The following ANO9 variants were observed in gnomAD, a reference collection of about 807,000 sequenced individuals.
The protein encoded by ANO9 is anoctamin-9.
Under a neutral mutation model 100.5 loss-of-function variants are expected in ANO9, and 80 were observed. The ratio of observed to expected loss-of-function variants is 0.80; its 90% CI spans 0.66 to 0.96. ANO9 has a LOEUF of 0.96. ANO9 is among the 40% of genes least tolerant of loss of function. ANO9 has a pLI of 0.00. For missense variants in ANO9, 1,064 were observed against 1,072.7 expected, an observed-to-expected ratio of 0.99 and a Z score of 0.11; for synonymous variants, 473 against 435.6, an observed-to-expected ratio of 1.09 and a Z score of -1.07.
At chr11:419,857 C>T in intron 19 of ANO9, 128 bp from the exon 20 acceptor site, 1 of 1,477,408 alleles carries the variant, frequency 6.8e-7, no homozygotes, top group Non-Finnish European at 8.9e-7. Flanking sequence ...AGCCCTAGGG[C>T]TGCAGTATTC....
At chr11:440,568 C>T (rs1166389961) in intron 1 of ANO9, 3 of 152,544 alleles carry the variant, frequency 2.0e-5, no homozygotes, top group African/African-American at 7.2e-5. Flanking sequence ...TGGGAGGTCA[C>T]CATACTGATG....
At position 430,175 on chromosome 11, in the gene ANO9, C is replaced by A. The variant is rs1049023069; in HGVS notation, c.679G>T (p.Glu227Ter). 1.3e-6 allele frequency: 2 copies of A among 1,551,684 alleles called. No individual in the cohort carries two copies. The highest frequency in any genetic ancestry group is 1.7e-6 in the Non-Finnish European group (2 of 1,147,944). The change falls in exon 9 of 23, where the codon GAG (glutamate) becomes TAG (stop). Residue 227 changes from glutamate to a stop codon, truncating the protein, a stop_gained. Transcript: ENST00000332826. LOFTEE classifies it high-confidence loss of function. Reference sequence around the variant, plus strand: ...AGGATGTCGTGGGCCTCACAGATCTCCTTGCTGAAGGGGCAGGGATGAGGC... The same window carrying A: ...AGGATGTCGTGGGCCTCACAGATCTACTTGCTGAAGGGGCAGGGATGAGGC... ...SLFEASQISK[E>*]ICEAHDILMC... is the part of the protein sequence containing the mutation.
At chr11:427,329 G>A (rs982880250) in intron 15 of ANO9, among the ~76,000 whole-genome samples, 3 of 151,974 alleles carry the variant, frequency 2.0e-5, no homozygotes, top group Non-Finnish European at 2.9e-5. Flanking sequence ...CAGCCTGGGC[G>A]ACAGAGCGAG....
At chr11:428,424 T>C (rs1848657041) in intron 13 of ANO9, 30 bp from the exon 14 acceptor site, 3 of 1,612,614 alleles carry the variant, frequency 1.9e-6, no homozygotes, top group Non-Finnish European at 2.5e-6. Flanking sequence ...ATGGGCTCAC[T>C]GGGGCTCCGG....
intron 1 of ANO9, among the ~76,000 whole-genome samples, chr11:439,956 G>T (rs888859121): frequency 3.9e-5 from 6 of 152,372 alleles, no homozygotes; most frequent in Non-Finnish European, 4.4e-5. Context: ...GTTCGTGGAC[G>T]CAGGGGCGGG....
In ANO9 at chr11:427,032, C is replaced by T. The variant is rs1408181744; in HGVS notation, c.1334+1056G>A. 3.9e-5 allele frequency among the ~76,000 whole-genome samples: 6 copies of T among 152,176 alleles called. No homozygotes were observed. The East Asian group carries it at 1.2e-3, about 29-fold the overall frequency. On this transcript the variant is annotated intron_variant, in intron 15 of 22. Coordinates refer to ENST00000332826, the MANE Select transcript of ANO9 (RefSeq NM_001012302.3). ...GGAGCTTCCAGAGTGAGAGGTCCCA[C>T]CAGGAGAGACGTGGCCCACAGCAAG...
rs1196031751 is a variant in ANO9, at chr11:422,440, G to A, written c.1335-1242C>T. Among the ~76,000 whole-genome samples, 12 of 152,320 alleles carry A rather than the reference G, an allele frequency of 7.9e-5. No individual in the cohort carries two copies. The highest frequency in any genetic ancestry group is 4.1e-4 in the South Asian group (2 of 4,826). ...GACTTTAAGACGGGGAGATTATCTTGGGTTATCTGGGTTTTTCTGGTGTAA... is the reference window on the plus strand; with the variant it reads ...GACTTTAAGACGGGGAGATTATCTTAGGTTATCTGGGTTTTTCTGGTGTAA... On this transcript the variant is annotated intron_variant, in intron 15 of 22. Coordinates refer to ENST00000332826, the MANE Select transcript of ANO9 (RefSeq NM_001012302.3). The surrounding 1 kb of genome is among the most constrained non-coding windows in gnomAD (Gnocchi z 4.3).
chr11:426,069 GAA>G (rs1848504892), intron 15 of ANO9, among the ~76,000 whole-genome samples: 1 of 152,128 alleles, frequency 6.6e-6, no homozygotes, highest in Non-Finnish European at 1.5e-5. Flanking sequence ...TTTAAAAAAT[GAA>G]AAGACTTTGC....
Position 418,957 on chromosome 11 carries a change from G to T in ANO9, c.1967C>A (p.Ser656Tyr), listed in dbSNP as rs1375455585. The change falls in exon 21 of 23, where the codon TCC becomes TAC. Residue 656 changes from serine to tyrosine, a missense_variant. Coordinates refer to ENST00000332826, the MANE Select transcript of ANO9 (RefSeq NM_001012302.3). ...CTGGAAGTCCTTGGTGTGGAAGACG[G>T]ACAGGCTGTGGTTGACGTAGCCCTT... The part of the protein sequence containing the change: ...CLKGYVNHSL[S>Y]VFHTKDFQDP... The T allele has an allele frequency of 1.2e-6, 2 of 1,612,794 alleles. No individual in the cohort carries two copies. Among genetic ancestry groups the T allele is most frequent in the Non-Finnish European group, 1.7e-6 (2 of 1,179,722 alleles).
intron 3 of ANO9, 107 bp downstream of exon 3, chr11:433,708 C>T (rs1849222055): frequency 6.8e-7 from 1 of 1,464,704 alleles, no homozygotes; most frequent in African/African-American, 1.4e-5. Flanking sequence ...TGACCGGCCC[C>T]ACAGCCCTGC....
At position 438,055 on chromosome 11, in the gene ANO9, C is replaced by T. The variant is rs898683746; in HGVS notation, c.6+3866G>A. Among the ~76,000 whole-genome samples, 8 of 152,258 alleles carry T rather than the reference C, an allele frequency of 5.3e-5. No individual in the cohort carries two copies. The East Asian group carries it at 1.5e-3, about 29-fold the overall frequency. On this transcript the variant is annotated intron_variant, in intron 1 of 22. Transcript: ENST00000332826. ...ATTCTCAAAGGTGGGGGTGGGAAGC[C>T]ATCGTTCACCCCAGAAATGAGGCAC...
intron 1 of ANO9, among the ~76,000 whole-genome samples, chr11:437,059 T>TGCGC (rs1564936314): frequency 1.1e-4 from 7 of 64,428 alleles, no homozygotes; most frequent in South Asian, 6.6e-4. Flanking sequence ...GGGGGTGAGC[T>TGCGC]GGGGGTGAAT....
At position 433,931 on chromosome 11, in the gene ANO9, C is replaced by A. The variant is rs1309948148; in HGVS notation, c.88G>T (p.Ala30Ser). Reference sequence around the variant, plus strand: ...AGGACATAGTCCCACTGCTCGGAGGCCTCGGTCTGCAGGGAGGAGGCATGG... The same window carrying A: ...AGGACATAGTCCCACTGCTCGGAGGACTCGGTCTGCAGGGAGGAGGCATGG... ...LMEISTCETE[A>S]SEQWDYVLVA... is the part of the protein sequence containing the mutation. Residue 30 changes from alanine to serine, a missense_variant, in exon 3 of 23, where the codon GCC becomes TCC. Physicochemically the swap from Ala to Ser is moderately conservative, Grantham distance 99. Coordinates refer to ENST00000332826, the MANE Select transcript of ANO9 (RefSeq NM_001012302.3). 6.4e-7 allele frequency: 1 copy of A among 1,561,202 alleles called. No individual in the cohort carries two copies. Among genetic ancestry groups the A allele is most frequent in the Admixed American group, 1.9e-5 (1 of 51,400 alleles).
Position 420,946 on chromosome 11 carries a change from G to A in ANO9, c.1489C>T (p.Pro497Ser). ...GGCTGGGCGGGGGTCGGCACTCACG[G>A]GACCAGGTACTCGACGCAGTTGCTG... ...TLSNCVEYLV[P>S]WVTHKCRSLR... Residue 497 changes from proline (P) to serine (S), a missense_variant and splice_region_variant, in exon 17 of 23, where the codon CCG becomes TCG. By Grantham distance (74) the Pro-to-Ser change is moderately conservative (BLOSUM62 -1). Transcript: ENST00000332826. 6.2e-7 allele frequency: 1 copy of A among 1,604,030 alleles called. No homozygotes were observed. Among genetic ancestry groups the A allele is most frequent in the Non-Finnish European group, 8.5e-7 (1 of 1,174,384 alleles).
In ANO9 at chr11:431,687, G is replaced by C; in HGVS notation, c.539+7C>G. On this transcript the variant is annotated splice_region_variant and intron_variant, in intron 7 of 22. Coordinates refer to ENST00000332826, the MANE Select transcript of ANO9 (RefSeq NM_001012302.3). ...GGGGTTCCTGTGCTCTCTTTGGGCA[G>C]CGTTACCTGATTTCATCAACTGGCT... The C allele has an allele frequency of 6.2e-7, 1 of 1,612,124 alleles. No homozygotes were observed. Among genetic ancestry groups the C allele is most frequent in the South Asian group, 1.1e-5 (1 of 91,066 alleles).
In ANO9 at chr11:428,526, C is replaced by G; in HGVS notation, c.1134G>C (p.Val378=). The G allele has an allele frequency of 2.5e-6, 4 of 1,612,520 alleles. No individual in the cohort carries two copies. Among genetic ancestry groups the G allele is most frequent in the Non-Finnish European group, 3.4e-6 (4 of 1,179,722 alleles). ...PFLEEQVTTA[V]VVTGALVHYV... ...AGTGCACCAGAGCCCCGGTCACCAC[C>G]ACGGCCGTGGTCACCTGCTCCTCCA... Residue 378 remains valine (V), a synonymous_variant, in exon 13 of 23, where the codon GTG becomes GTC. Transcript: ENST00000332826.
At chr11:425,703 G>GT (rs1442428992) in intron 15 of ANO9, among the ~76,000 whole-genome samples, 4 of 148,154 alleles carry the variant, frequency 2.7e-5, no homozygotes, top group Non-Finnish European at 4.5e-5. Flanking sequence ...TTCACCAATA[G>GT]TTTTTTGTTT....
chr11:419,403 C>T (rs1020476305), intron 20 of ANO9, 179 bp downstream of exon 20: 14 of 1,426,446 alleles, frequency 9.8e-6, no homozygotes, highest in Non-Finnish European at 1.2e-5. Flanking sequence ...TGACCTCCAG[C>T]CCAGGGCCTG....
Position 441,841 on chromosome 11 carries a change from G to T in ANO9, c.6+80C>A, listed in dbSNP as rs963215540. ...AGGCGCCTTCCAGGTGGGGCTGGCG[G>T]GGGGCTGGGGCCGGGGGCCCCAGGT... On this transcript the variant is annotated intron_variant, in intron 1 of 22. Transcript: ENST00000332826. The T allele has an allele frequency of 1.9e-6, 3 of 1,549,052 alleles. No individual in the cohort carries two copies. The East Asian group carries it at 6.9e-5, about 36-fold the overall frequency.
Sources: gnomAD v4.1 joint callset for allele counts (sites outside exome capture counted in the v4.1 genomes callset) on GRCh38, gnomAD v4.1.1 for gene constraint, Gnocchi (gnomAD v3.1) non-coding constraint, MANE v1.5 for transcripts, NCBI Gene and HGNC (gene_info 2026-07-23, HGNC 2026-07-21) for gene names.